Variants in SSBP2 observed in about 807,000 individuals in gnomAD.
The protein encoded by SSBP2 is single-stranded DNA-binding protein 2.
SSBP2 carries 17 observed loss-of-function variants against 61.8 expected under a neutral mutation model. That is an observed-to-expected ratio of 0.28 (90% confidence interval 0.19 to 0.41). The LOEUF is 0.41. Ranked by LOEUF, SSBP2 falls within the 10% of genes least tolerant of loss-of-function variation. The pLI, the probability that SSBP2 is intolerant of heterozygous loss-of-function variation, is 1.00. For missense variants in SSBP2, 310 were observed against 458.7 expected (o/e 0.68, Z 2.96); for synonymous variants, 139 against 141.3 (o/e 0.98, Z 0.12).
Position 81,554,912 on chromosome 5 carries a change from A to G in SSBP2, c.283-41195T>C, listed in dbSNP as rs1032023347. Among the ~76,000 whole-genome samples, 4 of 152,164 alleles carry G rather than the reference A, an allele frequency of 2.6e-5. 1 individual carries two copies. The South Asian group carries it at 8.3e-4, about 31-fold the overall frequency. On this transcript the variant is annotated intron_variant, in intron 4 of 16. Coordinates refer to ENST00000320672, the MANE Select transcript of SSBP2 (RefSeq NM_012446.5). Reference sequence around the variant, plus strand: ...GTTTCAATGACTCCTAACATAGTACAGCCACTGAAAGGAACTTAATGCTTG... The same window carrying G: ...GTTTCAATGACTCCTAACATAGTACGGCCACTGAAAGGAACTTAATGCTTG...
At chr5:81,593,883 A>C (rs971485961) in intron 4 of SSBP2, among the ~76,000 whole-genome samples, 1 of 152,236 alleles carries the variant, frequency 6.6e-6, no homozygotes, top group Non-Finnish European at 1.5e-5. Context: ...GCCACTGCAA[A>C]AACTTGCCAA....
At chr5:81,636,226 C>T (rs928236278) in intron 3 of SSBP2, among the ~76,000 whole-genome samples, 1 of 152,184 alleles carries the variant, frequency 6.6e-6, no homozygotes, top group African/African-American at 2.4e-5. Flanking sequence ...TTATCTTGTA[C>T]TTCTAGCCTC....
intron 6 of SSBP2, among the ~76,000 whole-genome samples, chr5:81,478,486 A>G (rs2154028545): frequency 6.6e-6 from 1 of 152,072 alleles, no homozygotes; most frequent in East Asian, 1.9e-4. Context: ...GATTATGGGC[A>G]CCCACCACCG....
At chr5:81,681,584 T>C (rs972561576) in intron 1 of SSBP2, among the ~76,000 whole-genome samples, 1 of 148,900 alleles carries the variant, frequency 6.7e-6, no homozygotes, top group Non-Finnish European at 1.5e-5. Flanking sequence ...ATGCAGTGCA[T>C]AGAGAGAATG....
chr5:81,500,293 A>AAC (rs1401406600), intron 5 of SSBP2, among the ~76,000 whole-genome samples: 1 of 152,010 alleles, frequency 6.6e-6, no homozygotes, highest in Non-Finnish European at 1.5e-5. Flanking sequence ...GCCTCACTAC[A>AAC]ACCTCCGCCT....
chr5:81,543,545 T>C (rs1028021535), intron 4 of SSBP2, among the ~76,000 whole-genome samples: 3 of 152,176 alleles, frequency 2.0e-5, no homozygotes, highest in African/African-American at 7.2e-5. Context: ...AAACTCACTA[T>C]TGGGTACTAT....
At chr5:81,682,205 A>T (rs554944030) in intron 1 of SSBP2, among the ~76,000 whole-genome samples, 7 of 152,342 alleles carry the variant, frequency 4.6e-5, no homozygotes, top group Admixed American at 2.6e-4. Flanking sequence ...CTTCTAACTC[A>T]TTCTATCAAT....
At chr5:81,586,706 T>C (rs567834605) in intron 4 of SSBP2, among the ~76,000 whole-genome samples, 1 of 152,092 alleles carries the variant, frequency 6.6e-6, no homozygotes, top group South Asian at 2.1e-4. Flanking sequence ...GGCTGGTCTT[T>C]GGCTGGCTTT....
chr5:81,705,528 T>C (rs1754310786), intron 1 of SSBP2, among the ~76,000 whole-genome samples: 1 of 152,150 alleles, frequency 6.6e-6, no homozygotes, highest in African/African-American at 2.4e-5. Context: ...ATATATACTT[T>C]AGGATAAAGA....
chr5:81,494,759 A>C (rs1266284975), intron 5 of SSBP2, among the ~76,000 whole-genome samples: 1 of 152,174 alleles, frequency 6.6e-6, no homozygotes, highest in Non-Finnish European at 1.5e-5. Context: ...GGAATAACCC[A>C]AAGTAGAAGA....
At chr5:81,603,732 A>G (rs1283706868) in intron 4 of SSBP2, among the ~76,000 whole-genome samples, 1 of 152,194 alleles carries the variant, frequency 6.6e-6, no homozygotes, top group East Asian at 1.9e-4. Flanking sequence ...TATGACAACT[A>G]TTCGTTATTA....
chr5:81,529,647 G>A (rs1378340847), intron 4 of SSBP2, among the ~76,000 whole-genome samples: 2 of 152,070 alleles, frequency 1.3e-5, no homozygotes, highest in African/African-American at 4.8e-5. Context: ...GCCACATCTT[G>A]AAGAAAAGTT....
chr5:81,664,599 C>T (rs1002099919), intron 1 of SSBP2, among the ~76,000 whole-genome samples: 1 of 152,148 alleles, frequency 6.6e-6, no homozygotes, highest in African/African-American at 2.4e-5. Flanking sequence ...CCCTTAGATA[C>T]CTATCTTAGC....
chr5:81,734,673 G>A (rs1401926287), intron 1 of SSBP2, among the ~76,000 whole-genome samples: 3 of 151,930 alleles, frequency 2.0e-5, no homozygotes, highest in South Asian at 2.1e-4. Context: ...TCCAGTTCCC[G>A]AAAGAAAAAT....
At chr5:81,572,344 A>G (rs1773900951) in intron 4 of SSBP2, among the ~76,000 whole-genome samples, 1 of 152,222 alleles carries the variant, frequency 6.6e-6, no homozygotes, top group South Asian at 2.1e-4. Context: ...TTTAAACCAC[A>G]GGAATTATCC....
chr5:81,694,453 C>T (rs1160610340), intron 1 of SSBP2, among the ~76,000 whole-genome samples: 1 of 152,070 alleles, frequency 6.6e-6, no homozygotes, highest in Admixed American at 6.5e-5. Flanking sequence ...TATGTACCCA[C>T]AAAAATTAAC....
At chr5:81,660,118 C>G (rs1457706240) in intron 1 of SSBP2, among the ~76,000 whole-genome samples, 1 of 152,086 alleles carries the variant, frequency 6.6e-6, no homozygotes, top group South Asian at 2.1e-4. Flanking sequence ...AGCAAAAACT[C>G]CATGACTAAA....
intron 1 of SSBP2, among the ~76,000 whole-genome samples, chr5:81,681,266 TC>T (rs1752356951): frequency 6.6e-6 from 1 of 152,074 alleles, no homozygotes; most frequent in Non-Finnish European, 1.5e-5. Flanking sequence ...ATGCCTGTAA[TC>T]CCAGCACTTT....
At chr5:81,510,977 T>C (rs1768559778) in intron 5 of SSBP2, among the ~76,000 whole-genome samples, 1 of 152,114 alleles carries the variant, frequency 6.6e-6, no homozygotes, top group Admixed American at 6.5e-5. Flanking sequence ...ACAAGGCCCC[T>C]GCAGTCCCTC....
Sources: gnomAD v4.1 joint callset for allele counts (sites outside exome capture counted in the v4.1 genomes callset) on GRCh38, gnomAD v4.1.1 for gene constraint, MANE v1.5 for transcripts, NCBI Gene and HGNC (gene_info 2026-07-23, HGNC 2026-07-21) for gene names.